The following NAALADL2 variants were observed in gnomAD, a reference collection of about 807,000 sequenced individuals.
NAALADL2 encodes the protein inactive N-acetylated-alpha-linked acidic dipeptidase-like protein 2.
A neutral mutation model predicts 87.2 loss-of-function variants in NAALADL2; 76 were observed. The observed-to-expected ratio is 0.87, with a 90% CI of 0.72 to 1.05. The LOEUF (loss-of-function observed/expected upper bound fraction) is 1.05, where lower values mean the gene tolerates loss of function less well. Among genes scored for constraint, NAALADL2 ranks in the 50% least tolerant of loss-of-function variants. The probability of loss-of-function intolerance (pLI) is 0.00; values close to 1 mark genes in which losing one functional copy is unlikely to be tolerated. For synonymous variants in NAALADL2, 354 were observed against 331.0 expected (o/e 1.07, Z -0.75); for missense variants, 1,089 against 945.8 (o/e 1.15, Z -1.99).
In NAALADL2 at chr3:174,563,423, C is replaced by A. The variant is rs558338715; in HGVS notation, c.-115+12786C>A. Among the ~76,000 whole-genome samples, 9 of 151,340 alleles carry A rather than the reference C, an allele frequency of 5.9e-5. 1 individual carries two copies. The highest frequency in any genetic ancestry group is 2.2e-4 in the African/African-American group (9 of 41,362). ...ATATGATTTCATAAACCATCAATAA[C>A]TATAAAACTCAAATCATACTCTTAA... On this transcript the variant is annotated intron_variant, in intron 2 of 3. Coordinates refer to the NAALADL2 transcript ENST00000434257.
At chr3:175,136,067 C>T (rs1057315915) in intron 2 of NAALADL2, among the ~76,000 whole-genome samples, 1 of 152,028 alleles carries the variant, frequency 6.6e-6, no homozygotes, top group African/African-American at 2.4e-5. Context: ...AGTTTGGTAA[C>T]CATTGTGAAC....
At chr3:174,839,028 G>T (rs936476927) in intron 3 of NAALADL2, among the ~76,000 whole-genome samples, 41 of 152,080 alleles carry the variant, frequency 2.7e-4, no homozygotes, top group Admixed American at 1.4e-3. Context: ...AAGAGAGCCC[G>T]CATAGCCAAA....
intron 3 of NAALADL2, among the ~76,000 whole-genome samples, chr3:175,239,959 G>T (rs1746549531): frequency 6.6e-6 from 1 of 152,110 alleles, no homozygotes; most frequent in East Asian, 1.9e-4. Context: ...ACATTTAAAT[G>T]GGAGAAATTA....
At chr3:174,571,124 TG>T (rs1331122790) in intron 2 of NAALADL2, among the ~76,000 whole-genome samples, 1 of 152,152 alleles carries the variant, frequency 6.6e-6, no homozygotes. Flanking sequence ...TAGACATCTC[TG>T]AATAGCAAGG....
chr3:174,974,813 A>T (rs1010022095), intron 1 of NAALADL2, among the ~76,000 whole-genome samples: 1 of 152,104 alleles, frequency 6.6e-6, no homozygotes, highest in Non-Finnish European at 1.5e-5. Flanking sequence ...AGAAAGAGGG[A>T]GAGAGAGGCA....
intron 1 of NAALADL2, among the ~76,000 whole-genome samples, chr3:174,947,468 C>T (rs1335809112): frequency 2.6e-5 from 4 of 151,892 alleles, no homozygotes; most frequent in Admixed American, 2.6e-4. Context: ...TAAGTGCTGA[C>T]CATGGTTAGG....
chr3:175,374,235 G>A (rs955405347), intron 5 of NAALADL2, among the ~76,000 whole-genome samples: 13 of 151,290 alleles, frequency 8.6e-5, no homozygotes, highest in South Asian at 2.1e-4. Context: ...TCATAAATAC[G>A]TTTTCTTATT....
chr3:174,621,180 C>T (rs1720959347), intron 2 of NAALADL2, among the ~76,000 whole-genome samples: 1 of 152,046 alleles, frequency 6.6e-6, no homozygotes, highest in Non-Finnish European at 1.5e-5. Context: ...GCAAGCTTCT[C>T]TAGTAATTTG....
At chr3:174,866,985 A>G (rs1727225265) in intron 1 of NAALADL2, among the ~76,000 whole-genome samples, 1 of 151,760 alleles carries the variant, frequency 6.6e-6, no homozygotes, top group Admixed American at 6.6e-5. Flanking sequence ...ATATTTCTAT[A>G]AAATACTTAC....
At chr3:175,644,796 A>G (rs1024025994) in intron 11 of NAALADL2, among the ~76,000 whole-genome samples, 2 of 152,200 alleles carry the variant, frequency 1.3e-5, no homozygotes, top group Non-Finnish European at 2.9e-5. Flanking sequence ...TATTTGAATT[A>G]AAATAAATAC....
intron 9 of NAALADL2, among the ~76,000 whole-genome samples, chr3:175,494,831 T>C (rs1417160142): frequency 6.6e-6 from 1 of 152,054 alleles, no homozygotes; most frequent in East Asian, 1.9e-4. Context: ...AATATCTTTT[T>C]AGTTGGTCTG....
intron 1 of NAALADL2, among the ~76,000 whole-genome samples, chr3:174,507,970 A>C (rs1264498901): frequency 2.0e-5 from 3 of 152,132 alleles, no homozygotes; most frequent in Admixed American, 2.0e-4. Flanking sequence ...AACTTTATAA[A>C]ATAAAAAACT....
At chr3:175,401,207 C>G (rs1369005169) in intron 5 of NAALADL2, among the ~76,000 whole-genome samples, 3 of 152,014 alleles carry the variant, frequency 2.0e-5, no homozygotes, top group Admixed American at 2.0e-4. Context: ...CATAAACAGC[C>G]ACATCTGTGT....
intron 11 of NAALADL2, among the ~76,000 whole-genome samples, chr3:175,724,354 G>A (rs1232607928): frequency 6.6e-6 from 1 of 152,134 alleles, no homozygotes; most frequent in Non-Finnish European, 1.5e-5. Context: ...GAGCTTGACA[G>A]TGTGCTCTGT....
intron 3 of NAALADL2, among the ~76,000 whole-genome samples, chr3:175,245,285 A>G (rs952978842): frequency 6.6e-6 from 1 of 152,198 alleles, no homozygotes; most frequent in Non-Finnish European, 1.5e-5. Context: ...ATTCTGGAAA[A>G]TGTTTAAAGT....
chr3:175,480,280 G>T (rs1346304540), intron 9 of NAALADL2, among the ~76,000 whole-genome samples: 1 of 139,256 alleles, frequency 7.2e-6, no homozygotes, highest in African/African-American at 2.5e-5. Context: ...GAAAATTTTA[G>T]GTCTAGTGTT....
At chr3:174,995,366 A>C (rs1579924496) in intron 1 of NAALADL2, among the ~76,000 whole-genome samples, 1 of 152,310 alleles carries the variant, frequency 6.6e-6, no homozygotes, top group East Asian at 1.9e-4. Context: ...TTAATTTAAA[A>C]AATTTAAAAC....
intron 11 of NAALADL2, among the ~76,000 whole-genome samples, chr3:175,716,244 CAT>C (rs1491429834): frequency 1.4e-5 from 2 of 142,400 alleles, no homozygotes; most frequent in African/African-American, 5.3e-5. Context: ...TATTGGAATA[CAT>C]ATATAATATA....
At chr3:174,810,882 T>C (rs1489596273) in intron 3 of NAALADL2, among the ~76,000 whole-genome samples, 2 of 152,062 alleles carry the variant, frequency 1.3e-5, no homozygotes, top group Non-Finnish European at 2.9e-5. Flanking sequence ...AAGAATAATA[T>C]CATGGACCAG....
Sources: allele counts gnomAD v4.1 joint callset (sites outside exome capture counted in the v4.1 genomes callset), GRCh38; gene constraint gnomAD v4.1.1; transcripts MANE v1.5; gene names NCBI Gene and HGNC (gene_info 2026-07-23, HGNC 2026-07-21).